The following GABRB1 variants were observed in gnomAD, a reference collection of about 807,000 sequenced individuals.
GABRB1 encodes the protein gamma-aminobutyric acid type A receptor subunit beta1, also known as gamma-aminobutyric acid receptor subunit beta-1.
Under a neutral mutation model 51.6 loss-of-function variants are expected in GABRB1, and 17 were observed. The ratio of observed to expected loss-of-function variants is 0.33; its 90% CI spans 0.23 to 0.49. The LOEUF (loss-of-function observed/expected upper bound fraction) is 0.49, where lower values mean the gene tolerates loss of function less well. Among genes scored for constraint, GABRB1 ranks in the 20% least tolerant of loss-of-function variants. The pLI is 0.99. For synonymous variants in GABRB1, 247 were observed against 218.9 expected, an observed-to-expected ratio of 1.13 and a Z score of -1.14; for missense variants, 410 against 600.6, an observed-to-expected ratio of 0.68 and a Z score of 3.32.
intron 3 of GABRB1, among the ~76,000 whole-genome samples, chr4:47,070,351 A>G (rs760694104): frequency 1.4e-5 from 2 of 141,028 alleles, no homozygotes; most frequent in Non-Finnish European, 3.1e-5. Flanking sequence ...TTTTTTTGAG[A>G]CAGAGTTTTC....
intron 5 of GABRB1, among the ~76,000 whole-genome samples, chr4:47,326,337 C>T (rs186921589): frequency 1.7e-4 from 26 of 152,138 alleles, no homozygotes; most frequent in African/African-American, 6.3e-4. Flanking sequence ...ATCATGCAGG[C>T]ATTGTATCAT....
intron 5 of GABRB1, among the ~76,000 whole-genome samples, chr4:47,331,693 C>G (rs1410324879): frequency 6.6e-6 from 1 of 152,108 alleles, no homozygotes; most frequent in Non-Finnish European, 1.5e-5. Flanking sequence ...TAATACTGGA[C>G]ACCCTTGCTG....
chr4:47,115,622 G>C (rs544257888), intron 3 of GABRB1, among the ~76,000 whole-genome samples: 4 of 151,894 alleles, frequency 2.6e-5, no homozygotes, highest in Admixed American at 2.6e-4. Flanking sequence ...CCTTAGTAAA[G>C]AGTCAACTGA....
At chr4:47,045,939 T>C (rs6837255) in intron 3 of GABRB1, among the ~76,000 whole-genome samples, 134,503 of 152,058 alleles carry the variant, frequency 0.88, 59,800 homozygotes, top group Non-Finnish European at 0.92. Context: ...ACTCAAATCT[T>C]ACCTTGAATT....
chr4:47,409,699 G>C, intron 8 of GABRB1, among the ~76,000 whole-genome samples: 1 of 152,166 alleles, frequency 6.6e-6, no homozygotes, highest in African/African-American at 2.4e-5. Context: ...CTTTGCCGGG[G>C]AACTACCCCC....
chr4:47,023,693 A>G (rs1725002101), intron 1 of GABRB1, among the ~76,000 whole-genome samples: 1 of 152,020 alleles, frequency 6.6e-6, no homozygotes, highest in African/African-American at 2.4e-5. Context: ...ATAATTATAA[A>G]TGTGGGATTT....
intron 3 of GABRB1, among the ~76,000 whole-genome samples, chr4:47,116,836 G>A (rs1369755409): frequency 6.6e-6 from 1 of 152,106 alleles, no homozygotes; most frequent in African/African-American, 2.4e-5. Flanking sequence ...TGATTGGGGA[G>A]GCTTCAGGGA....
At chr4:47,325,321 G>C (rs1440834970) in intron 5 of GABRB1, among the ~76,000 whole-genome samples, 1 of 151,940 alleles carries the variant, frequency 6.6e-6, no homozygotes, top group Non-Finnish European at 1.5e-5. Context: ...TGTAATCCCA[G>C]CTACTTGGGA....
At chr4:47,268,884 A>G (rs1299349485) in intron 4 of GABRB1, among the ~76,000 whole-genome samples, 3 of 152,190 alleles carry the variant, frequency 2.0e-5, no homozygotes, top group Non-Finnish European at 4.4e-5. Context: ...TTATTATACA[A>G]AACTCTTCAA....
intron 3 of GABRB1, among the ~76,000 whole-genome samples, chr4:47,056,926 T>G (rs1443044566): frequency 6.6e-6 from 1 of 152,074 alleles, no homozygotes; most frequent in African/African-American, 2.4e-5. Flanking sequence ...CCCAACATGG[T>G]GAAACCCTGT....
chr4:47,334,567 G>C (rs1725623303), intron 5 of GABRB1, among the ~76,000 whole-genome samples: 1 of 151,688 alleles, frequency 6.6e-6, no homozygotes, highest in African/African-American at 2.4e-5. Flanking sequence ...ATAATATTTG[G>C]GCAAATATTT....
chr4:47,021,684 T>C (rs868667557), intron 1 of GABRB1, among the ~76,000 whole-genome samples: 2 of 152,186 alleles, frequency 1.3e-5, no homozygotes, highest in Non-Finnish European at 2.9e-5. Context: ...CTGTGTCTTT[T>C]CTTTATCAGA....
intron 1 of GABRB1, among the ~76,000 whole-genome samples, chr4:46,996,433 C>T (rs1215764754): frequency 6.6e-6 from 1 of 152,100 alleles, no homozygotes; most frequent in Non-Finnish European, 1.5e-5. Context: ...AACCCAACTG[C>T]TAACGTCTTA....
At chr4:47,333,541 C>T (rs1468288473) in intron 5 of GABRB1, among the ~76,000 whole-genome samples, 3 of 151,976 alleles carry the variant, frequency 2.0e-5, no homozygotes, top group African/African-American at 4.8e-5. Flanking sequence ...CTGGCGAAAC[C>T]CCATTTCTAC....
At chr4:47,126,640 T>C (rs1716156257) in intron 3 of GABRB1, among the ~76,000 whole-genome samples, 1 of 152,098 alleles carries the variant, frequency 6.6e-6, no homozygotes, top group Non-Finnish European at 1.5e-5. Context: ...CAGATTTACA[T>C]TGACTATGAT....
intron 4 of GABRB1, among the ~76,000 whole-genome samples, chr4:47,225,181 C>T (rs1378498440): frequency 3.3e-5 from 5 of 152,112 alleles, no homozygotes; most frequent in Non-Finnish European, 5.9e-5. Flanking sequence ...AGGCATGAGC[C>T]ACTGCATAAT....
At chr4:47,160,457 T>C (rs1467557001) in intron 3 of GABRB1, among the ~76,000 whole-genome samples, 3 of 152,164 alleles carry the variant, frequency 2.0e-5, no homozygotes, top group Admixed American at 6.6e-5. Flanking sequence ...ATAACCTTTA[T>C]GTGTTAAACG....
At position 47,031,974 on chromosome 4, in the gene GABRB1, A is replaced by T. The variant is rs1057075830; in HGVS notation, c.141A>T (p.Gly47=). The T allele has an allele frequency of 1.9e-6, 3 of 1,612,822 alleles. No homozygotes were observed. Among genetic ancestry groups the T allele is most frequent in the Non-Finnish European group, 2.5e-6 (3 of 1,179,822 alleles). The change falls in exon 2 of 9, where the codon GGA becomes GGT. Residue 47 remains glycine, a synonymous_variant. Coordinates refer to ENST00000295454, the MANE Select transcript of GABRB1 (RefSeq NM_000812.4). ...AGACAGTGGACAGATTGCTCAAAGG[A>T]TATGACATTCGCTTGCGGCCGGACT... ...VKETVDRLLK[G]YDIRLRPDFG...
chr4:47,312,429 C>T (rs923430264), intron 4 of GABRB1, among the ~76,000 whole-genome samples: 1 of 150,110 alleles, frequency 6.7e-6, no homozygotes, highest in African/African-American at 2.5e-5. Flanking sequence ...TGCAAAAAAT[C>T]TATGTACTCT....
Sources: allele counts gnomAD v4.1 joint callset (sites outside exome capture counted in the v4.1 genomes callset), GRCh38; gene constraint gnomAD v4.1.1; transcripts MANE v1.5; gene names NCBI Gene and HGNC (gene_info 2026-07-23, HGNC 2026-07-21).